Variants in EML6 observed in about 807,000 individuals in gnomAD.
EML6 encodes the protein echinoderm microtubule-associated protein-like 6.
EML6 carries 154 observed loss-of-function variants against 240.1 expected under a neutral mutation model. That is an observed-to-expected ratio of 0.64 (90% CI 0.56 to 0.73). The LOEUF is 0.73. Ranked by LOEUF, EML6 falls within the 30% of genes least tolerant of loss-of-function variation. EML6 has a pLI of 0.00. For synonymous variants in EML6, 1,148 were observed against 899.0 expected (o/e 1.28, Z -4.95); for missense variants, 2,964 against 2,474.6 (o/e 1.20, Z -4.20).
intron 2 of EML6, among the ~76,000 whole-genome samples, chr2:54,805,307 C>G (rs950785749): frequency 1.3e-5 from 2 of 152,116 alleles, no homozygotes; most frequent in African/African-American, 4.8e-5. Context: ...TTTGGTTTCC[C>G]TTGGATAAAT....
At chr2:54,941,263 C>G in intron 28 of EML6, among the ~76,000 whole-genome samples, 1 of 152,050 alleles carries the variant, frequency 6.6e-6, no homozygotes, top group Non-Finnish European at 1.5e-5. Flanking sequence ...CTGTTGGGAC[C>G]ATTCAAAATC....
intron 2 of EML6, among the ~76,000 whole-genome samples, chr2:54,807,023 TATATA>T (rs1399226163): frequency 7.2e-5 from 11 of 152,196 alleles, no homozygotes; most frequent in South Asian, 4.1e-4. Context: ...ACATAAATAA[TATATA>T]ATGCACAACT....
intron 2 of EML6, among the ~76,000 whole-genome samples, chr2:54,740,544 T>G (rs1265205321): frequency 1.3e-5 from 2 of 152,226 alleles, no homozygotes; most frequent in Non-Finnish European, 2.9e-5. Context: ...GGTTTTAAGC[T>G]TTCTGTTATA....
intron 17 of EML6, among the ~76,000 whole-genome samples, chr2:54,886,139 C>CTTTT (rs34063699): frequency 5.7e-4 from 71 of 125,464 alleles, no homozygotes; most frequent in South Asian, 1.3e-3. Flanking sequence ...CAAATGTTTC[C>CTTTT]TTTTTTTTTT....
Position 54,737,402 on chromosome 2 carries a change from G to A in EML6, c.197+12144G>A, listed in dbSNP as rs561607064. ...CAACCTCTGCCTCCCGGGTTCAAGC[G>A]ATTCTTCTGCCTCAGCCTTCTGAGT... On this transcript the variant is annotated intron_variant, in intron 2 of 41. Coordinates refer to ENST00000356458, the MANE Select transcript of EML6 (RefSeq NM_001039753.4). Among the ~76,000 whole-genome samples, 77 of 152,238 alleles carry A rather than the reference G, an allele frequency of 5.1e-4. No homozygotes were observed. In the South Asian group the frequency reaches 0.015, roughly 30 times the overall value.
At chr2:54,811,842 C>T (rs1667863849) in intron 2 of EML6, among the ~76,000 whole-genome samples, 1 of 152,224 alleles carries the variant, frequency 6.6e-6, no homozygotes, top group African/African-American at 2.4e-5. Context: ...CTCTCACCAA[C>T]TGAATGCTGA....
chr2:54,870,274 A>G (rs772166411), intron 15 of EML6, among the ~76,000 whole-genome samples: 1 of 152,130 alleles, frequency 6.6e-6, no homozygotes, highest in Non-Finnish European at 1.5e-5. Flanking sequence ...AGGGGAGTCA[A>G]CCCCTTAAAA....
At chr2:54,807,054 G>A (rs898653074) in intron 2 of EML6, among the ~76,000 whole-genome samples, 4 of 152,070 alleles carry the variant, frequency 2.6e-5, no homozygotes, top group East Asian at 1.9e-4. Flanking sequence ...ATAATAAAGT[G>A]TCATACTTTT....
intron 2 of EML6, among the ~76,000 whole-genome samples, chr2:54,744,709 A>G (rs747575148): frequency 6.6e-5 from 10 of 151,814 alleles, no homozygotes; most frequent in Non-Finnish European, 1.3e-4. Context: ...AGAGGGACCG[A>G]GGAGGAGGAT....
rs540881715 is a variant in EML6, at chr2:54,892,460, G to T, written c.2546G>T (p.Gly849Val). Residue 849 changes from glycine to valine, a missense_variant, in exon 19 of 42, where the codon GGC becomes GTC. Gly to Val is a moderately radical substitution (Grantham distance 109). Transcript: ENST00000356458. Reference sequence around the variant, plus strand: ...TGTTCTTGGTCCACTCTAGGTGGGGGCTTCACTTCTAAAAGAGGAACTTTT... The same window carrying T: ...TGTTCTTGGTCCACTCTAGGTGGGGTCTTCACTTCTAAAAGAGGAACTTTT... ...HIKFWQQAGG[G>V]FTSKRGTFGS... 1 of 1,550,478 alleles carries T rather than the reference G, an allele frequency of 6.4e-7. No individual in the cohort carries two copies.
chr2:54,780,178 C>T (rs1193117958), intron 2 of EML6, among the ~76,000 whole-genome samples: 1 of 152,076 alleles, frequency 6.6e-6, no homozygotes, highest in Non-Finnish European at 1.5e-5. Flanking sequence ...TTTACTATTA[C>T]AAATAATAAC....
intron 7 of EML6, among the ~76,000 whole-genome samples, chr2:54,833,770 C>T (rs1243025883): frequency 6.6e-6 from 1 of 152,156 alleles, no homozygotes; most frequent in African/African-American, 2.4e-5. Flanking sequence ...AAACAAGTTT[C>T]TGTAGCAACA....
intron 3 of EML6, among the ~76,000 whole-genome samples, chr2:54,814,547 T>A (rs890909642): frequency 6.6e-6 from 1 of 152,186 alleles, no homozygotes; most frequent in African/African-American, 2.4e-5. Context: ...TCTGTCTCTC[T>A]CACCCTGCGT....
chr2:54,878,932 T>A (rs539069351), intron 16 of EML6, among the ~76,000 whole-genome samples: 1 of 152,242 alleles, frequency 6.6e-6, no homozygotes, highest in Non-Finnish European at 1.5e-5. Flanking sequence ...TTAAAAATTT[T>A]CTGTATCCAT....
intron 2 of EML6, among the ~76,000 whole-genome samples, chr2:54,776,440 C>G (rs7603836): frequency 0.25 from 38,595 of 151,962 alleles, 5,404 homozygotes; most frequent in East Asian, 0.44. Context: ...AGTTTTTATA[C>G]TTTTATTTTC....
intron 12 of EML6, among the ~76,000 whole-genome samples, chr2:54,863,398 T>C (rs2103857924): frequency 6.6e-6 from 1 of 152,294 alleles, no homozygotes; most frequent in Middle Eastern, 3.4e-3. Context: ...TACGCATCTC[T>C]GTAGTCCCAG....
intron 2 of EML6, among the ~76,000 whole-genome samples, chr2:54,735,706 C>G (rs1229799383): frequency 6.6e-6 from 1 of 152,158 alleles, no homozygotes; most frequent in African/African-American, 2.4e-5. Context: ...GGTATTTTGA[C>G]TGTATTATAA....
chr2:54,959,035 A>G, intron 33 of EML6, 69 bp from the exon 34 acceptor site: 6 of 1,422,382 alleles, frequency 4.2e-6, no homozygotes, highest in Non-Finnish European at 5.7e-6. Flanking sequence ...CCTTAATGAG[A>G]GAACGGGTGG....
At chr2:54,961,253 CA>C in intron 35 of EML6, among the ~76,000 whole-genome samples, 1 of 136,924 alleles carries the variant, frequency 7.3e-6, no homozygotes. Flanking sequence ...GGCATGATCT[CA>C]ACTCACTGCA....
Sources: gnomAD v4.1 joint callset for allele counts (sites outside exome capture counted in the v4.1 genomes callset) on GRCh38, gnomAD v4.1.1 for gene constraint, MANE v1.5 for transcripts, NCBI Gene and HGNC (gene_info 2026-07-23, HGNC 2026-07-21) for gene names.